Variants in PTPRD observed in about 807,000 individuals in gnomAD.
The protein encoded by PTPRD is protein tyrosine phosphatase receptor type D, also known as receptor-type tyrosine-protein phosphatase delta.
Under a neutral mutation model 214.5 loss-of-function variants are expected in PTPRD, and 34 were observed. That is an observed-to-expected ratio of 0.16 (90% CI 0.12 to 0.21). PTPRD has a LOEUF of 0.21. Ranked by LOEUF, PTPRD falls within the 10% of genes least tolerant of loss-of-function variation. The pLI, the probability that PTPRD is intolerant of heterozygous loss-of-function variation, is 1.00. For synonymous variants in PTPRD, 1,128 were observed against 845.7 expected, an observed-to-expected ratio of 1.33 and a Z score of -5.79; for missense variants, 2,545 against 2,398.7, an observed-to-expected ratio of 1.06 and a Z score of -1.27.
intron 3 of PTPRD, among the ~76,000 whole-genome samples, chr9:10,152,332 T>C (rs905942446): frequency 7.2e-5 from 11 of 152,224 alleles, no homozygotes; most frequent in Non-Finnish European, 2.9e-5. Context: ...TTAGTTTCTA[T>C]ACAAAATATT....
chr9:10,248,180 C>A (rs146127588), intron 3 of PTPRD, among the ~76,000 whole-genome samples: 3 of 151,930 alleles, frequency 2.0e-5, no homozygotes, highest in Non-Finnish European at 2.9e-5. Context: ...TTATCAGCAG[C>A]GTGGAAACGG....
At chr9:9,151,392 G>C in intron 10 of PTPRD, among the ~76,000 whole-genome samples, 1 of 152,174 alleles carries the variant, frequency 6.6e-6, no homozygotes, top group East Asian at 1.9e-4. Context: ...CAGAGGTGTT[G>C]AGATCCCTAT....
At chr9:10,531,239 T>G (rs2056208395) in intron 2 of PTPRD, among the ~76,000 whole-genome samples, 1 of 152,130 alleles carries the variant, frequency 6.6e-6, no homozygotes, top group Admixed American at 6.6e-5. Flanking sequence ...CATGAGCCAC[T>G]ATGCCCGGCC....
At position 9,962,815 on chromosome 9, in the gene PTPRD, G is replaced by C. The variant is rs192333102; in HGVS notation, c.-471-24205C>G. ...TTAGAATCTTAGCAGAAATATAAGA[G>C]TTCAATAAAGACTGTTCCCAAAAGA... On this transcript the variant is annotated intron_variant, in intron 4 of 45. Transcript: ENST00000381196. Among the ~76,000 whole-genome samples the C allele has an allele frequency of 2.6e-5, 4 of 152,066 alleles. No individual in the cohort carries two copies. The East Asian group carries it at 5.8e-4, about 22-fold the overall frequency.
At chr9:8,792,952 T>C (rs2096283629) in intron 11 of PTPRD, among the ~76,000 whole-genome samples, 1 of 152,178 alleles carries the variant, frequency 6.6e-6, no homozygotes. Context: ...TTTAAGATCT[T>C]TACATTTCAA....
rs1193803646 is a variant in PTPRD, at chr9:8,497,230, A to G, written c.2349+12T>C. The G allele has an allele frequency of 6.3e-7, 1 of 1,590,440 alleles. No individual in the cohort carries two copies. The highest frequency in any genetic ancestry group is 8.5e-7 in the Non-Finnish European group (1 of 1,170,810). ...TAGTCTGCTTTTGACAAAACAGTCA[A>G]AAATTACTCACATGTTCAGTAGTAT... On this transcript the variant is annotated intron_variant, in intron 26 of 45. Coordinates refer to ENST00000381196, the MANE Select transcript of PTPRD (RefSeq NM_002839.4).
At chr9:9,889,813 ATG>A (rs111466805) in intron 5 of PTPRD, among the ~76,000 whole-genome samples, 4,342 of 141,530 alleles carry the variant, frequency 0.031, 178 homozygotes, top group African/African-American at 0.11. Flanking sequence ...GTGTGTGTGT[ATG>A]TGTGTGTGTG....
intron 8 of PTPRD, among the ~76,000 whole-genome samples, chr9:9,442,622 G>T (rs1296672152): frequency 1.3e-5 from 2 of 152,250 alleles, no homozygotes; most frequent in East Asian, 3.9e-4. Context: ...CTGATGGATT[G>T]TTATTTATCT....
chr9:10,266,969 T>A (rs531636935), intron 3 of PTPRD, among the ~76,000 whole-genome samples: 1 of 151,932 alleles, frequency 6.6e-6, no homozygotes, highest in South Asian at 2.1e-4. Context: ...GGCGGGCGAA[T>A]CACCAGGTCA....
intron 8 of PTPRD, among the ~76,000 whole-genome samples, chr9:9,525,068 AG>A (rs2073785372): frequency 6.6e-6 from 1 of 152,176 alleles, no homozygotes; most frequent in Non-Finnish European, 1.5e-5. Context: ...CATGTTAGCC[AG>A]GATGGTCTCG....
rs778129787 is a variant in PTPRD at position 8,521,314 on chromosome 9, C to G, written c.924G>C (p.Leu308=). 6.4e-5 allele frequency: 103 copies of G among 1,613,754 alleles called. No homozygotes were observed. Among genetic ancestry groups the G allele is most frequent in the Non-Finnish European group, 8.4e-5 (99 of 1,179,850 alleles). Reference sequence around the variant, plus strand: ...TCTGTGCTATTGCTTCAATGACACCCAGTGTTGACATAGCAACACAGGTGT... The same window carrying G: ...TCTGTGCTATTGCTTCAATGACACCGAGTGTTGACATAGCAACACAGGTGT... ...ANYTCVAMST[L]GVIEAIAQIT... is the part of the protein sequence containing the mutation. The change falls in exon 20 of 46, where the codon CTG becomes CTC. Residue 308 remains leucine (L), a synonymous_variant. Coordinates refer to ENST00000381196, the MANE Select transcript of PTPRD (RefSeq NM_002839.4).
intron 7 of PTPRD, among the ~76,000 whole-genome samples, chr9:9,678,545 G>C (rs2096986675): frequency 6.6e-6 from 1 of 151,828 alleles, no homozygotes; most frequent in African/African-American, 2.4e-5. Flanking sequence ...ATTTTTATTA[G>C]ATACCTCAAA....
At chr9:8,845,809 C>T (rs956737961) in intron 11 of PTPRD, among the ~76,000 whole-genome samples, 1 of 152,206 alleles carries the variant, frequency 6.6e-6, no homozygotes, top group African/African-American at 2.4e-5. Flanking sequence ...GGCTCTTGCT[C>T]TTGTGAGTCT....
chr9:10,397,346 C>T (rs543809534), intron 2 of PTPRD, among the ~76,000 whole-genome samples: 29 of 151,972 alleles, frequency 1.9e-4, no homozygotes, highest in African/African-American at 6.5e-4. Flanking sequence ...TGTAAGTGTC[C>T]CAGCAAGTAA....
In PTPRD at chr9:9,591,264, A is replaced by G. The variant is rs1293023801; in HGVS notation, c.-286-16483T>C. ...TGCGGTGGGAGGACATATGGAAGGC[A>G]TGAAAGGGAATGCAGGCAGCCTCGG... is the stretch of plus-strand genomic sequence containing the variant. On this transcript the variant is annotated intron_variant, in intron 7 of 45. Coordinates refer to ENST00000381196, the MANE Select transcript of PTPRD (RefSeq NM_002839.4). 2.0e-5 allele frequency among the ~76,000 whole-genome samples: 3 copies of G among 152,002 alleles called. No homozygotes were observed. The East Asian group carries it at 5.8e-4, about 30-fold the overall frequency.
intron 18 of PTPRD, among the ~76,000 whole-genome samples, chr9:8,523,790 A>T (rs150329240): frequency 2.4e-4 from 36 of 152,318 alleles, no homozygotes; most frequent in African/African-American, 8.7e-4. Flanking sequence ...AAGGGAGGTC[A>T]CTATTGTGGA....
At chr9:10,480,671 T>A (rs1049951067) in intron 2 of PTPRD, among the ~76,000 whole-genome samples, 3 of 152,022 alleles carry the variant, frequency 2.0e-5, no homozygotes, top group African/African-American at 7.2e-5. Flanking sequence ...TTTTACAGAT[T>A]ACAGGAATAT....
intron 12 of PTPRD, among the ~76,000 whole-genome samples, chr9:8,723,323 T>A (rs2098522326): frequency 6.6e-6 from 1 of 152,198 alleles, no homozygotes; most frequent in African/African-American, 2.4e-5. Flanking sequence ...CCTTGACATA[T>A]GACAAACCAA....
At chr9:10,220,525 A>T (rs926812240) in intron 3 of PTPRD, among the ~76,000 whole-genome samples, 1 of 151,970 alleles carries the variant, frequency 6.6e-6, no homozygotes, top group Admixed American at 6.6e-5. Flanking sequence ...ATTTTGCATC[A>T]AATGATTAAT....
Sources: allele counts gnomAD v4.1 joint callset (sites outside exome capture counted in the v4.1 genomes callset), GRCh38; gene constraint gnomAD v4.1.1; transcripts MANE v1.5; gene names NCBI Gene and HGNC (gene_info 2026-07-23, HGNC 2026-07-21).